TBC1D32: variants seen among roughly 807,000 people sequenced by gnomAD.
The protein encoded by TBC1D32 is TBC1 domain family member 32, also known as protein broad-minded.
TBC1D32 carries 151 observed loss-of-function variants against 170.3 expected under a neutral mutation model. The observed-to-expected ratio is 0.89, with a 90% confidence interval of 0.78 to 1.01. TBC1D32 has a LOEUF of 1.01. Among genes scored for constraint, TBC1D32 ranks in the 50% least tolerant of loss-of-function variants. The pLI is 0.00. For synonymous variants in TBC1D32, 498 were observed against 488.0 expected (o/e 1.02, Z -0.27); for missense variants, 1,464 against 1,457.1 (o/e 1.00, Z -0.08).
intron 30 of TBC1D32, among the ~76,000 whole-genome samples, chr6:121,101,799 T>C (rs1778106246): frequency 6.6e-6 from 1 of 152,104 alleles, no homozygotes; most frequent in South Asian, 2.1e-4. Flanking sequence ...AGTCAAATTG[T>C]CCCTGTTTGC....
At chr6:121,211,675 C>T (rs1385232945) in intron 21 of TBC1D32, among the ~76,000 whole-genome samples, 2 of 152,140 alleles carry the variant, frequency 1.3e-5, no homozygotes, top group Non-Finnish European at 2.9e-5. Flanking sequence ...AGTAGTATTA[C>T]ATGGTACCTA....
chr6:121,262,767 G>A (rs1013909910), intron 15 of TBC1D32, among the ~76,000 whole-genome samples: 1 of 152,096 alleles, frequency 6.6e-6, no homozygotes, highest in Non-Finnish European at 1.5e-5. Context: ...ATGAGCTATG[G>A]CACCCAGCCA....
intron 1 of TBC1D32, among the ~76,000 whole-genome samples, chr6:121,323,611 C>T (rs1810054682): frequency 6.6e-6 from 1 of 152,072 alleles, no homozygotes; most frequent in African/African-American, 2.4e-5. Flanking sequence ...TTCAAAATTC[C>T]CAACAAACCT....
chr6:121,325,783 TTAAAC>T (rs1810380838), intron 1 of TBC1D32, among the ~76,000 whole-genome samples: 1 of 152,110 alleles, frequency 6.6e-6, no homozygotes, highest in South Asian at 2.1e-4. Context: ...TGCGATCTAA[TTAAAC>T]TAAAGAGCTT....
intron 21 of TBC1D32, among the ~76,000 whole-genome samples, chr6:121,220,101 C>T (rs79720314): frequency 0.012 from 1,885 of 152,212 alleles, 39 homozygotes; most frequent in African/African-American, 0.043. Context: ...CCTTACAAAA[C>T]CTCTAAGGGT....
intron 15 of TBC1D32, among the ~76,000 whole-genome samples, chr6:121,277,936 C>T (rs1802458558): frequency 6.6e-6 from 1 of 151,292 alleles, no homozygotes; most frequent in Admixed American, 6.6e-5. Flanking sequence ...GGAGCCATCA[C>T]TACTCATTTC....
At chr6:121,293,383 C>T (rs1309903285) in intron 11 of TBC1D32, among the ~76,000 whole-genome samples, 1 of 152,092 alleles carries the variant, frequency 6.6e-6, no homozygotes, top group African/African-American at 2.4e-5. Flanking sequence ...GCTTTTGAAA[C>T]CCATTAATTA....
At chr6:121,203,445 C>T (rs548805099) in intron 22 of TBC1D32, among the ~76,000 whole-genome samples, 1 of 151,208 alleles carries the variant, frequency 6.6e-6, no homozygotes, top group Non-Finnish European at 1.5e-5. Context: ...TTTATGACTA[C>T]TGAGATACCG....
chr6:121,174,758 T>C (rs988630425), intron 22 of TBC1D32, among the ~76,000 whole-genome samples: 4 of 152,106 alleles, frequency 2.6e-5, no homozygotes, highest in Admixed American at 1.3e-4. Flanking sequence ...GGACCAGGCA[T>C]ACTGAATCAT....
chr6:121,317,618 A>G lies in TBC1D32; in HGVS notation c.372T>C (p.Ser124=). ...LKNIMIAVVE[S]MINKFEEDET... Reference sequence around the variant, plus strand: ...CATCTTCTTCAAACTTGTTAATCATAGACTCGACCACAGCTATCATAATGT... The same window carrying G: ...CATCTTCTTCAAACTTGTTAATCATGGACTCGACCACAGCTATCATAATGT... The change falls in exon 3 of 32, where the codon TCT becomes TCC. Residue 124 remains serine, a synonymous_variant. Transcript: ENST00000398212. 6.2e-7 allele frequency: 1 copy of G among 1,612,344 alleles called. No individual in the cohort carries two copies. The highest frequency in any genetic ancestry group is 8.5e-7 in the Non-Finnish European group (1 of 1,179,136).
chr6:121,295,932 C>A (rs975179936), intron 10 of TBC1D32, among the ~76,000 whole-genome samples: 1 of 152,092 alleles, frequency 6.6e-6, no homozygotes, highest in Non-Finnish European at 1.5e-5. Flanking sequence ...ATTCTGAGAA[C>A]TGAGAATGGC....
In TBC1D32 at chr6:121,279,143, T is replaced by C; in HGVS notation, c.1711A>G (p.Asn571Asp). ...TACCTTTCTTCAGAAGAGTTCATATTTGCTCCATAAAGGAGTAAAATAAGC... is the reference window on the plus strand; with the variant it reads ...TACCTTTCTTCAGAAGAGTTCATATCTGCTCCATAAAGGAGTAAAATAAGC... ...EGLILLLYGA[N>D]MNSSEESPTG... is the part of the protein sequence containing the mutation. Residue 571 changes from asparagine (N) to aspartate (D), a missense_variant, in exon 15 of 32, where the codon AAT (asparagine) becomes GAT (aspartate). Physicochemically the swap from Asn to Asp is conservative, Grantham distance 23. Around this residue, in one of 3 missense-constraint regions of TBC1D32, gnomAD observed 1,363 missense variants for 1,338.1 expected, o/e 1.02. Transcript: ENST00000398212. 1 of 1,606,074 alleles carries C rather than the reference T, an allele frequency of 6.2e-7. No homozygotes were observed. Among genetic ancestry groups the C allele is most frequent in the African/African-American group, 1.3e-5 (1 of 74,550 alleles).
intron 31 of TBC1D32, among the ~76,000 whole-genome samples, chr6:121,085,860 T>A (rs1776221929): frequency 6.6e-6 from 1 of 152,078 alleles, no homozygotes; most frequent in African/African-American, 2.4e-5. Flanking sequence ...GAGACTTGAC[T>A]TAGTCTTGGC....
intron 22 of TBC1D32, among the ~76,000 whole-genome samples, chr6:121,172,683 T>C (rs112236213): frequency 0.019 from 2,912 of 152,332 alleles, 92 homozygotes; most frequent in African/African-American, 0.067. Flanking sequence ...GTAATTGTCA[T>C]GAGTATTTCC....
intron 15 of TBC1D32, among the ~76,000 whole-genome samples, chr6:121,268,231 C>A (rs1800819900): frequency 6.6e-6 from 1 of 152,074 alleles, no homozygotes; most frequent in Non-Finnish European, 1.5e-5. Flanking sequence ...TCCTCGCCAG[C>A]AACAGAACAA....
At chr6:121,216,236 C>T (rs1343423415) in intron 21 of TBC1D32, among the ~76,000 whole-genome samples, 1 of 152,192 alleles carries the variant, frequency 6.6e-6, no homozygotes, top group Non-Finnish European at 1.5e-5. Context: ...CTACATCTTT[C>T]TCCCGTGATG....
intron 3 of TBC1D32, among the ~76,000 whole-genome samples, chr6:121,312,225 G>A (rs1383356459): frequency 6.6e-6 from 1 of 152,070 alleles, no homozygotes; most frequent in Non-Finnish European, 1.5e-5. Context: ...GAGAGCATTA[G>A]GACAAATACC....
Position 121,302,261 on chromosome 6 carries a change from G to A in TBC1D32, c.1080+1356C>T, listed in dbSNP as rs116433966. 8.9e-3 allele frequency among the ~76,000 whole-genome samples: 1,349 copies of A among 152,220 alleles called. 25 individuals carry two copies. Among genetic ancestry groups the A allele is most frequent in the African/African-American group, 0.031 (1,275 of 41,550 alleles). On this transcript the variant is annotated intron_variant, in intron 9 of 31. Coordinates refer to ENST00000398212, the MANE Select transcript of TBC1D32 (RefSeq NM_152730.6). ...ACCTATTATGTATAGATGCTCTGGA[G>A]CTACAACAATTGGGATGAATAGCTA...
chr6:121,186,641 TTA>T (rs1199293576), intron 22 of TBC1D32, among the ~76,000 whole-genome samples: 1 of 152,046 alleles, frequency 6.6e-6, no homozygotes, highest in Non-Finnish European at 1.5e-5. Flanking sequence ...AAAAGGAAAT[TTA>T]TAATTTCCTT....
Sources: gnomAD v4.1 joint callset for allele counts (sites outside exome capture counted in the v4.1 genomes callset) on GRCh38, gnomAD v4.1.1 for gene constraint, gnomAD v4.1.1 regional missense constraint, MANE v1.5 for transcripts, NCBI Gene and HGNC (gene_info 2026-07-23, HGNC 2026-07-21) for gene names.